RPA2: variants seen among roughly 807,000 people sequenced by gnomAD.
The protein encoded by RPA2 is replication protein A2, also known as replication protein A 32 kDa subunit.
A neutral mutation model predicts 33.4 loss-of-function variants in RPA2; 22 were observed. That is an observed-to-expected ratio of 0.66 (90% confidence interval 0.47 to 0.94). The LOEUF (loss-of-function observed/expected upper bound fraction) is 0.94. RPA2 is among the 40% of genes least tolerant of loss of function. The pLI is 0.00. For synonymous variants in RPA2, 109 were observed against 114.9 expected (o/e 0.95, Z 0.33); for missense variants, 279 against 329.9 (o/e 0.85, Z 1.19).
chr1:27,904,165 CAAAAAAA>C (rs11334227), intron 4 of RPA2, among the ~76,000 whole-genome samples: 1 of 123,526 alleles, frequency 8.1e-6, no homozygotes, highest in Non-Finnish European at 1.8e-5. Context: ...AGCTCCATCT[CAAAAAAA>C]AAAAAAAAAA....
chr1:27,899,582 T>G (rs957375105), intron 4 of RPA2, among the ~76,000 whole-genome samples: 12 of 151,794 alleles, frequency 7.9e-5, no homozygotes, highest in African/African-American at 2.7e-4. Flanking sequence ...TGAATCCACT[T>G]GAGAAAAGAT....
At position 27,914,141 on chromosome 1, in the gene RPA2, TGAG is replaced by T. The variant is rs774613770; in HGVS notation, c.36_38del (p.Ser13del). ...GCGTGTAGCCGCCGGCTCCCCCGTA[TGAG>T]GAGCTGCCATAGCTTTCGAATCCAC... On this transcript the variant is annotated inframe_deletion, in exon 2 of 9. Transcript: ENST00000373912. The T allele has an allele frequency of 9.9e-6, 16 of 1,613,566 alleles. No homozygotes were observed. Among genetic ancestry groups the T allele is most frequent in the Admixed American group, 1.7e-5 (1 of 59,964 alleles).
At position 27,911,620 on chromosome 1, in the gene RPA2, A is replaced by G. The variant is rs147423457; in HGVS notation, c.117+2443T>C. On this transcript the variant is annotated intron_variant, in intron 2 of 8. Transcript: ENST00000373912. ...CTTCTAGGAAAGAGAAAACTACAAC[A>G]GGGAGAAGTTGCTGCTCATCAGATG... Among the ~76,000 whole-genome samples the G allele has an allele frequency of 1.3e-4, 20 of 152,280 alleles. No homozygotes were observed. The East Asian group carries it at 3.9e-3, about 29-fold the overall frequency.
chr1:27,908,853 TGGC>T (rs2090063941), intron 2 of RPA2, among the ~76,000 whole-genome samples: 1 of 152,138 alleles, frequency 6.6e-6, no homozygotes, highest in Non-Finnish European at 1.5e-5. Context: ...TGCCTACCAG[TGGC>T]AAGAGGTAGT....
intron 4 of RPA2, among the ~76,000 whole-genome samples, chr1:27,898,403 T>C (rs574567105): frequency 2.0e-5 from 3 of 152,148 alleles, no homozygotes; most frequent in Non-Finnish European, 4.4e-5. Flanking sequence ...TCATGATACA[T>C]GGAAAAAAGC....
rs367770235 is a variant in RPA2 at position 27,896,992 on chromosome 1, C to T, written c.525+13G>A. 6 of 1,573,722 alleles carry T rather than the reference C, an allele frequency of 3.8e-6. No homozygotes were observed. Among genetic ancestry groups the T allele is most frequent in the East Asian group, 2.3e-5 (1 of 44,408 alleles). ...CAGGGAAGAGAAAAAGCTAGGAAAG[C>T]GAGACTACTCACCTGGCTGTTGGCT... On this transcript the variant is annotated intron_variant, in intron 6 of 8. Transcript: ENST00000373912.
chr1:27,914,007 T>C (rs1467702272), intron 2 of RPA2, 56 bp downstream of exon 2: 7 of 1,468,674 alleles, frequency 4.8e-6, no homozygotes, highest in East Asian at 2.3e-5. Context: ...CTGTCATAGA[T>C]GACTCAGGGA....
intron 2 of RPA2, among the ~76,000 whole-genome samples, chr1:27,913,298 G>A (rs72872888): frequency 0.44 from 65,906 of 150,284 alleles, 15,067 homozygotes; most frequent in African/African-American, 0.58. Flanking sequence ...TAATTTAAAA[G>A]CGACTTTGGG....
intron 2 of RPA2, among the ~76,000 whole-genome samples, chr1:27,908,735 C>G (rs912565156): frequency 4.6e-5 from 7 of 152,106 alleles, no homozygotes; most frequent in African/African-American, 1.7e-4. Flanking sequence ...TGACCTCAGG[C>G]AATCTGCCCA....
chr1:27,908,718 G>A (rs1210963513), intron 2 of RPA2, among the ~76,000 whole-genome samples: 11 of 152,052 alleles, frequency 7.2e-5, no homozygotes, highest in Non-Finnish European at 1.2e-4. Flanking sequence ...GGCTGGTCTC[G>A]AACACCTGAC....
rs916303282 is a variant in RPA2 at position 27,891,791 on chromosome 1, A to C, written c.*372T>G. On this transcript the variant is annotated 3_prime_UTR_variant, in exon 9 of 9. Coordinates refer to ENST00000373912, the MANE Select transcript of RPA2 (RefSeq NM_002946.5). ...TTTCTCGGCTAGGGCTCTGCCTATA[A>C]CGCCCTGGTCCTGCTCATCTTTCAG... 65 of 174,422 alleles carry C rather than the reference A, an allele frequency of 3.7e-4. No homozygotes were observed. Among genetic ancestry groups the C allele is most frequent in the African/African-American group, 1.5e-3 (63 of 42,344 alleles). The allele number at this position is 174,422 out of a possible 1,614,324, so 10.8% of individuals were successfully genotyped here. A position where few individuals can be genotyped will look rare whatever the true frequency, so the allele number is the denominator to read the frequency against.
chr1:27,901,256 G>C (rs2089963465), intron 4 of RPA2, among the ~76,000 whole-genome samples: 1 of 152,096 alleles, frequency 6.6e-6, no homozygotes, highest in Non-Finnish European at 1.5e-5. Flanking sequence ...ACCCTCCTCA[G>C]TCAGCAGCCA....
rs546437813 is a variant in RPA2 at position 27,901,294 on chromosome 1, G to A, written c.334-3587C>T. Among the ~76,000 whole-genome samples, 18 of 152,122 alleles carry A rather than the reference G, an allele frequency of 1.2e-4. No homozygotes were observed. The South Asian group carries it at 3.7e-3, about 32-fold the overall frequency. ...AACAGTGAGGCAAGAATGTCCACTA[G>A]CAAAAACATTATGAATTGCTGAGGG... On this transcript the variant is annotated intron_variant, in intron 4 of 8. Transcript: ENST00000373912.
Position 27,892,154 on chromosome 1 carries a change from T to C in RPA2, c.*9A>G. 1 of 1,600,202 alleles carries C rather than the reference T, an allele frequency of 6.2e-7. No individual in the cohort carries two copies. The highest frequency in any genetic ancestry group is 2.2e-5 in the East Asian group (1 of 44,748). On this transcript the variant is annotated 3_prime_UTR_variant, in exon 9 of 9. Coordinates refer to ENST00000373912, the MANE Select transcript of RPA2 (RefSeq NM_002946.5). ...CTGTAAAATATCTCAGGTACCCAGT[T>C]AGATCCAGTTATTCTGCATCTGTGG... is the stretch of plus-strand genomic sequence containing the variant.
intron 4 of RPA2, among the ~76,000 whole-genome samples, chr1:27,904,200 T>C (rs1229642230): frequency 6.6e-6 from 1 of 151,916 alleles, no homozygotes; most frequent in Non-Finnish European, 1.5e-5. Context: ...CACAACATAA[T>C]TTTGAGTGAA....
chr1:27,898,156 C>T (rs2089916703), intron 4 of RPA2, among the ~76,000 whole-genome samples: 1 of 152,126 alleles, frequency 6.6e-6, no homozygotes, highest in Non-Finnish European at 1.5e-5. Flanking sequence ...GCCACCACGC[C>T]CGGCAGGCAC....
At chr1:27,914,315 C>T in intron 1 of RPA2, 119 bp downstream of exon 1, 2 of 1,611,072 alleles carry the variant, frequency 1.2e-6, no homozygotes, top group Non-Finnish European at 1.7e-6. Flanking sequence ...CCCAAACGCC[C>T]CAGCTCCGCT....
At chr1:27,914,596 G>A (rs377448346), upstream of RPA2, 3 of 1,613,496 alleles carry the variant, frequency 1.9e-6, no homozygotes, top group African/African-American at 1.3e-5. Context: ...GTCAGCTCCC[G>A]GGGTGCTCGC....
At chr1:27,893,446 C>T (rs1274413163) in intron 8 of RPA2, among the ~76,000 whole-genome samples, 3 of 152,054 alleles carry the variant, frequency 2.0e-5, no homozygotes, top group Non-Finnish European at 4.4e-5. Flanking sequence ...GCTGGGACTA[C>T]AGACATGCGC....
Sources: gnomAD v4.1 joint callset for allele counts (sites outside exome capture counted in the v4.1 genomes callset) on GRCh38, gnomAD v4.1.1 for gene constraint, MANE v1.5 for transcripts, NCBI Gene and HGNC (gene_info 2026-07-23, HGNC 2026-07-21) for gene names.